NSFL1C: variants seen among roughly 807,000 people sequenced by gnomAD.
NSFL1C encodes NSFL1 cofactor.
Under a neutral mutation model 43.1 loss-of-function variants are expected in NSFL1C, and 14 were observed. That is an observed-to-expected ratio of 0.32 (90% CI 0.21 to 0.51). The LOEUF (loss-of-function observed/expected upper bound fraction) is 0.51. NSFL1C is among the 20% of genes least tolerant of loss of function. The pLI, the probability that NSFL1C is intolerant of heterozygous loss-of-function variation, is 0.98. For synonymous variants in NSFL1C, 171 were observed against 183.5 expected (o/e 0.93, Z 0.55); for missense variants, 406 against 472.5 (o/e 0.86, Z 1.30).
Position 1,442,399 on chromosome 20 carries a change from T to C in NSFL1C, c.*1350A>G, listed in dbSNP as rs1351969873. ...GCCCTTCTGCAGTTCTAGGTGGATG[T>C]AGTGTTGGTTCTTGGCTCATTGCAG... is the stretch of plus-strand genomic sequence containing the variant. On this transcript the variant is annotated 3_prime_UTR_variant, in exon 9 of 9. Transcript: ENST00000216879. The C allele has an allele frequency of 6.6e-6, 1 of 152,196 alleles. No homozygotes were observed. The highest frequency in any genetic ancestry group is 1.5e-5 in the Non-Finnish European group (1 of 68,054). 9.4% of individuals were successfully genotyped at this position (152,196 alleles called of 1,614,324 possible).
At chr20:1,445,494 C>G (rs778318008) in intron 8 of NSFL1C, among the ~76,000 whole-genome samples, 172 bp downstream of exon 8, 2 of 152,078 alleles carry the variant, frequency 1.3e-5, no homozygotes, top group Non-Finnish European at 2.9e-5. Context: ...AGAGTGGGGA[C>G]CAGAACTTAA....
Position 1,466,769 on chromosome 20 carries a change from T to G in NSFL1C, c.56A>C (p.Glu19Ala). Residue 19 changes from glutamate (E) to alanine (A), a missense_variant, in exon 1 of 9, where the codon GAG becomes GCG. This residue lies in a region of NSFL1C where 203 missense variants were observed against 216.3 expected (regional missense o/e 0.94). Coordinates refer to ENST00000216879, the MANE Select transcript of NSFL1C (RefSeq NM_016143.5). ...GAGAAAGAAGCGGGCCCGGTCCTCC[T>G]CGGCGCCCGTCACCGCCACGAACTC... ...LREFVAVTGA[E>A]EDRARFFLES... 6.4e-7 allele frequency: 1 copy of G among 1,561,478 alleles called. No homozygotes were observed. The highest frequency in any genetic ancestry group is 8.7e-7 in the Non-Finnish European group (1 of 1,155,662).
intron 2 of NSFL1C, among the ~76,000 whole-genome samples, chr20:1,461,183 A>T (rs1010169768): frequency 2.0e-5 from 3 of 152,236 alleles, no homozygotes; most frequent in African/African-American, 7.2e-5. Flanking sequence ...CACTTCCAGG[A>T]ATTTACAATT....
At chr20:1,449,893 C>T (rs1453971543) in intron 7 of NSFL1C, among the ~76,000 whole-genome samples, 2 of 152,150 alleles carry the variant, frequency 1.3e-5, no homozygotes, top group Non-Finnish European at 2.9e-5. Context: ...CCCCTCCTCC[C>T]AAGTGCACTC....
chr20:1,466,190 C>G (rs114639658), intron 1 of NSFL1C, among the ~76,000 whole-genome samples: 3 of 152,150 alleles, frequency 2.0e-5, no homozygotes, highest in Non-Finnish European at 4.4e-5. Context: ...GCAATTTCCA[C>G]GAGACTCCCA....
At chr20:1,449,033 T>G (rs1333440930) in intron 7 of NSFL1C, among the ~76,000 whole-genome samples, 1 of 152,236 alleles carries the variant, frequency 6.6e-6, no homozygotes, top group Non-Finnish European at 1.5e-5. Context: ...AATGTCTATG[T>G]GGCTATGCAA....
chr20:1,447,592 A>C (rs1323676949), intron 7 of NSFL1C, among the ~76,000 whole-genome samples: 2 of 152,170 alleles, frequency 1.3e-5, no homozygotes, highest in African/African-American at 4.8e-5. Context: ...TTTCACAGAC[A>C]TTAGGTTAAC....
At chr20:1,461,086 T>C (rs1013373131) in intron 2 of NSFL1C, among the ~76,000 whole-genome samples, 4 of 152,236 alleles carry the variant, frequency 2.6e-5, no homozygotes, top group African/African-American at 9.6e-5. Flanking sequence ...CCTTACCTAT[T>C]TCAAAGCTGT....
chr20:1,447,208 T>G (rs867569168), intron 7 of NSFL1C, among the ~76,000 whole-genome samples: 3 of 152,176 alleles, frequency 2.0e-5, no homozygotes, highest in Non-Finnish European at 4.4e-5. Flanking sequence ...CATGTGGGAC[T>G]CAAAAAGTGT....
At chr20:1,459,472 T>TA (rs748393335) in intron 2 of NSFL1C, among the ~76,000 whole-genome samples, 1 of 152,182 alleles carries the variant, frequency 6.6e-6, no homozygotes, top group Non-Finnish European at 1.5e-5. Context: ...ATAAATTACC[T>TA]AGTCTCAGGT....
intron 2 of NSFL1C, among the ~76,000 whole-genome samples, chr20:1,461,570 T>G (rs1443035709): frequency 2.0e-5 from 3 of 152,124 alleles, no homozygotes; most frequent in Non-Finnish European, 4.4e-5. Flanking sequence ...GGGAATCAGA[T>G]TAGGAAGGTG....
intron 7 of NSFL1C, among the ~76,000 whole-genome samples, chr20:1,450,916 C>T (rs778298525): frequency 2.6e-5 from 4 of 152,110 alleles, no homozygotes; most frequent in Non-Finnish European, 5.9e-5. Context: ...GGATGATAGC[C>T]ATACTTCACT....
chr20:1,462,947 A>G lies in NSFL1C; in HGVS notation c.203+1382T>C, dbSNP rs532431841. Among the ~76,000 whole-genome samples, 13 of 152,344 alleles carry G rather than the reference A, an allele frequency of 8.5e-5. No individual in the cohort carries two copies. The South Asian group carries it at 2.5e-3, about 29-fold the overall frequency. ...ATAATAACAACACATGCTGTGTTCT[A>G]TTTGCTTTGTAAGTATTAACTCATT... On this transcript the variant is annotated intron_variant, in intron 2 of 8. Coordinates refer to ENST00000216879, the MANE Select transcript of NSFL1C (RefSeq NM_016143.5).
chr20:1,453,168 C>T lies in NSFL1C; in HGVS notation c.538-28G>A, dbSNP rs80271608. On this transcript the variant is annotated intron_variant, in intron 5 of 8. Coordinates refer to ENST00000216879, the MANE Select transcript of NSFL1C (RefSeq NM_016143.5). ...GTGATGACAGGGAGTAAACAGTTAC[C>T]AGGGATCTGGCAAGCATACCAATTT... is the stretch of plus-strand genomic sequence containing the variant. 1,526 of 1,301,558 alleles carry T rather than the reference C, an allele frequency of 1.2e-3. 19 individuals carry two copies. The African/African-American group carries it at 0.021, about 18-fold the overall frequency. 80.6% of individuals were successfully genotyped at this position (1,301,558 alleles called of 1,614,324 possible).
intron 7 of NSFL1C, among the ~76,000 whole-genome samples, chr20:1,446,492 GAC>G (rs1167060171): frequency 2.6e-5 from 4 of 152,192 alleles, no homozygotes; most frequent in Non-Finnish European, 5.9e-5. Context: ...CACGGTGTCA[GAC>G]ACAGTGTTAG....
intron 3 of NSFL1C, chr20:1,455,754 T>C (rs747241676): frequency 5.1e-6 from 4 of 779,252 alleles, no homozygotes; most frequent in Non-Finnish European, 9.6e-6. Flanking sequence ...AATCAGCAGA[T>C]GTATGCAAAA....
At chr20:1,459,041 C>A (rs553006116) in intron 2 of NSFL1C, among the ~76,000 whole-genome samples, 1 of 152,268 alleles carries the variant, frequency 6.6e-6, no homozygotes, top group Admixed American at 6.5e-5. Context: ...CCTCAAGGAA[C>A]AAGCTTAAGT....
chr20:1,456,909 T>C (rs950212029), intron 3 of NSFL1C: 3 of 152,188 alleles, frequency 2.0e-5, no homozygotes, highest in African/African-American at 7.2e-5. Context: ...AAAAGGCATA[T>C]GAAGGATTTT....
chr20:1,447,494 T>C (rs1403222110), intron 7 of NSFL1C, among the ~76,000 whole-genome samples: 1 of 152,026 alleles, frequency 6.6e-6, no homozygotes, highest in East Asian at 1.9e-4. Flanking sequence ...GTATTTTATG[T>C]GTGGCCCAAA....
Sources: gnomAD v4.1 joint callset for allele counts (sites outside exome capture counted in the v4.1 genomes callset) on GRCh38, gnomAD v4.1.1 for gene constraint, gnomAD v4.1.1 regional missense constraint, MANE v1.5 for transcripts, NCBI Gene and HGNC (gene_info 2026-07-23, HGNC 2026-07-21) for gene names.